The following DENND1B variants were observed in gnomAD, a reference collection of about 807,000 sequenced individuals.
DENND1B encodes the protein DENN domain containing 1B.
DENND1B carries 59 observed loss-of-function variants against 90.1 expected under a neutral mutation model. The observed-to-expected ratio is 0.65, with a 90% CI of 0.53 to 0.81. The LOEUF is 0.81. Among genes scored for constraint, DENND1B ranks in the 40% least tolerant of loss-of-function variants. The pLI, the probability that DENND1B is intolerant of heterozygous loss-of-function variation, is 0.00. For missense variants in DENND1B, 862 were observed against 912.6 expected, an observed-to-expected ratio of 0.94 and a Z score of 0.71; for synonymous variants, 337 against 324.6, an observed-to-expected ratio of 1.04 and a Z score of -0.41.
rs77397286 is a variant in DENND1B at position 197,766,822 on chromosome 1, C to T, written c.82+6046G>A. 8.4e-3 allele frequency among the ~76,000 whole-genome samples: 1,275 copies of T among 152,178 alleles called. 12 individuals carry two copies. The highest frequency in any genetic ancestry group is 0.03 in the African/African-American group (1,231 of 41,508). ...TTTATTTTTTAGAGATAGAGTCTCC[C>T]TCTGTCACCTAGACTGGAATGCAGT... On this transcript the variant is annotated intron_variant, in intron 2 of 22. Transcript: ENST00000620048.
chr1:197,697,376 C>G (rs987720582), intron 3 of DENND1B, among the ~76,000 whole-genome samples: 2 of 151,782 alleles, frequency 1.3e-5, no homozygotes, highest in Non-Finnish European at 3.0e-5. Context: ...ATCTCTATCA[C>G]TCTACTACAA....
chr1:197,522,400 A>G lies in DENND1B; in HGVS notation c.1516-9447T>C, dbSNP rs942142541. 2.0e-5 allele frequency among the ~76,000 whole-genome samples: 3 copies of G among 152,120 alleles called. No homozygotes were observed. In the East Asian group the frequency reaches 5.8e-4, roughly 29 times the overall value. ...ATGTGAGACTAGGTCACTAGGAAAGATTCTGATGTGGCCGTAACACATCCA... is the reference window on the plus strand; with the variant it reads ...ATGTGAGACTAGGTCACTAGGAAAGGTTCTGATGTGGCCGTAACACATCCA... On this transcript the variant is annotated intron_variant, in intron 20 of 22. Transcript: ENST00000620048.
intron 14 of DENND1B, among the ~76,000 whole-genome samples, chr1:197,587,396 T>C (rs376378818): frequency 1.3e-5 from 2 of 152,008 alleles, no homozygotes; most frequent in East Asian, 3.9e-4. Flanking sequence ...AAAACAGTGA[T>C]GGGGCAAAAA....
intron 15 of DENND1B, among the ~76,000 whole-genome samples, chr1:197,567,785 A>T (rs1207967746): frequency 6.6e-6 from 1 of 152,168 alleles, no homozygotes; most frequent in Non-Finnish European, 1.5e-5. Context: ...ACACTTAACA[A>T]ATTATGTATA....
intron 20 of DENND1B, among the ~76,000 whole-genome samples, chr1:197,535,379 A>G (rs546163865): frequency 1.3e-5 from 2 of 152,320 alleles, no homozygotes; most frequent in African/African-American, 4.8e-5. Flanking sequence ...AAGTACAGTT[A>G]GTACCAAACC....
chr1:197,605,079 C>A (rs1037606021), intron 13 of DENND1B, among the ~76,000 whole-genome samples: 2 of 148,304 alleles, frequency 1.3e-5, no homozygotes, highest in Non-Finnish European at 3.0e-5. Context: ...GAATTTCAAG[C>A]ATATATTTAG....
In DENND1B at chr1:197,508,473, C is replaced by T. The variant is rs973589046; in HGVS notation, c.*1987G>A. Reference sequence around the variant, plus strand: ...CATTGTTTTCCTTAATGTATACAGTCCATACTTATAAGGGAAACAAGAATT... The same window carrying T: ...CATTGTTTTCCTTAATGTATACAGTTCATACTTATAAGGGAAACAAGAATT... On this transcript the variant is annotated 3_prime_UTR_variant, in exon 23 of 23. Transcript: ENST00000620048. 3.6e-4 allele frequency: 55 copies of T among 151,664 alleles called. No homozygotes were observed. The highest frequency in any genetic ancestry group is 1.1e-3 in the African/African-American group (45 of 41,460). 9.4% of individuals were successfully genotyped at this position (151,664 alleles called of 1,614,324 possible).
At chr1:197,582,820 C>T (rs573898481) in intron 15 of DENND1B, among the ~76,000 whole-genome samples, 5 of 151,956 alleles carry the variant, frequency 3.3e-5, no homozygotes, top group African/African-American at 7.2e-5. Context: ...GTTAGTTTAC[C>T]GTATCAATCC....
At chr1:197,704,309 C>T (rs1314660586) in intron 3 of DENND1B, among the ~76,000 whole-genome samples, 1 of 152,096 alleles carries the variant, frequency 6.6e-6, no homozygotes, top group African/African-American at 2.4e-5. Context: ...TTTTCCCTCA[C>T]ACTTATACTC....
chr1:197,583,339 T>C (rs943184162), intron 14 of DENND1B, 86 bp from the exon 15 acceptor site: 14 of 1,267,428 alleles, frequency 1.1e-5, no homozygotes, highest in East Asian at 7.1e-5. Flanking sequence ...TGAAGAGTGA[T>C]AGAGGAAGCG....
intron 2 of DENND1B, among the ~76,000 whole-genome samples, chr1:197,739,542 G>T (rs989070877): frequency 6.6e-6 from 1 of 151,936 alleles, no homozygotes; most frequent in Non-Finnish European, 1.5e-5. Flanking sequence ...AACGGTCAAA[G>T]AAGAAATCAA....
chr1:197,539,443 T>C (rs780910164), intron 20 of DENND1B, among the ~76,000 whole-genome samples: 8 of 152,180 alleles, frequency 5.3e-5, no homozygotes, highest in Non-Finnish European at 1.0e-4. Flanking sequence ...GGAACACTTA[T>C]AGCTATGATT....
chr1:197,546,399 T>C (rs1670819459), intron 17 of DENND1B, among the ~76,000 whole-genome samples: 1 of 152,162 alleles, frequency 6.6e-6, no homozygotes, highest in Non-Finnish European at 1.5e-5. Flanking sequence ...TTAACAAAAC[T>C]ATATTACCAC....
At position 197,511,820 on chromosome 1, in the gene DENND1B, A is replaced by G. The variant is rs1184249685; in HGVS notation, c.1723T>C (p.Leu575=). 6.8e-6 allele frequency: 11 copies of G among 1,611,246 alleles called. No individual in the cohort carries two copies. Among genetic ancestry groups the G allele is most frequent in the East Asian group, 4.5e-5 (2 of 44,804 alleles). Residue 575 remains leucine (L), a synonymous_variant, in exon 22 of 23, where the codon TTG becomes CTG. Transcript: ENST00000620048. ...MDLLGEILDT[L]STHSSDQGKL... Reference sequence around the variant, plus strand: ...CCCTGATCTGAGCTGTGTGTGCTCAATGTATCAAGAATCTCTCCTAGTAAG... The same window carrying G: ...CCCTGATCTGAGCTGTGTGTGCTCAGTGTATCAAGAATCTCTCCTAGTAAG...
intron 20 of DENND1B, among the ~76,000 whole-genome samples, chr1:197,535,625 T>A (rs569962682): frequency 9.2e-5 from 14 of 152,324 alleles, no homozygotes; most frequent in Admixed American, 8.5e-4. Context: ...CAAAATAGTG[T>A]GAAGCAATCA....
intron 20 of DENND1B, among the ~76,000 whole-genome samples, chr1:197,514,033 C>G (rs1668227448): frequency 6.6e-6 from 1 of 151,594 alleles, no homozygotes; most frequent in African/African-American, 2.4e-5. Flanking sequence ...TTTGGTGGTA[C>G]TAAGATTCAT....
At chr1:197,776,868 C>T (rs1190591770), upstream of DENND1B, among the ~76,000 whole-genome samples, 3 of 151,760 alleles carry the variant, frequency 2.0e-5, no homozygotes, top group African/African-American at 4.8e-5. Context: ...TAGCTTGACT[C>T]GGGGTGAGAC....
chr1:197,645,839 T>TA, intron 8 of DENND1B, 96 bp from the exon 9 acceptor site: 2 of 774,658 alleles, frequency 2.6e-6, no homozygotes, highest in South Asian at 2.5e-5. Flanking sequence ...TTGAGTAAAT[T>TA]AAAAAATGCC....
At chr1:197,525,904 C>A (rs1669102689) in intron 20 of DENND1B, among the ~76,000 whole-genome samples, 1 of 151,572 alleles carries the variant, frequency 6.6e-6, no homozygotes, top group African/African-American at 2.4e-5. Flanking sequence ...CTAATAAAGG[C>A]AAAAAGAGAA....
Sources: allele counts gnomAD v4.1 joint callset (sites outside exome capture counted in the v4.1 genomes callset), GRCh38; gene constraint gnomAD v4.1.1; transcripts MANE v1.5; gene names NCBI Gene and HGNC (gene_info 2026-07-23, HGNC 2026-07-21).